Variants in ARHGEF3 observed in about 807,000 individuals in gnomAD.
ARHGEF3 encodes 59.8 kDA protein.
Under a neutral mutation model 63.2 loss-of-function variants are expected in ARHGEF3, and 28 were observed. The observed-to-expected ratio is 0.44, with a 90% CI of 0.33 to 0.61. The LOEUF is 0.61. Ranked by LOEUF, ARHGEF3 falls within the 20% of genes least tolerant of loss-of-function variation. ARHGEF3 has a pLI of 0.03. For synonymous variants in ARHGEF3, 266 were observed against 254.2 expected, an observed-to-expected ratio of 1.05 and a Z score of -0.44; for missense variants, 533 against 659.3, an observed-to-expected ratio of 0.81 and a Z score of 2.10.
intron 6 of ARHGEF3, among the ~76,000 whole-genome samples, chr3:56,749,343 T>C (rs2034589156): frequency 6.6e-6 from 1 of 152,224 alleles, no homozygotes; most frequent in Admixed American, 6.5e-5. Flanking sequence ...CAAATGTTTA[T>C]TTCAGCAAAA....
intron 1 of ARHGEF3, chr3:56,775,662 G>T: frequency 5.1e-6 from 5 of 985,756 alleles, no homozygotes; most frequent in Non-Finnish European, 6.0e-6. Flanking sequence ...TTCTGCTTCA[G>T]GTGACAATGC....
intron 1 of ARHGEF3, among the ~76,000 whole-genome samples, chr3:56,789,556 A>G (rs2036981484): frequency 6.6e-6 from 1 of 152,180 alleles, no homozygotes; most frequent in South Asian, 2.1e-4. Context: ...CCAAATTTCA[A>G]GTTTAGTTTG....
intron 2 of ARHGEF3, among the ~76,000 whole-genome samples, chr3:56,762,855 T>C (rs1433459326): frequency 6.6e-6 from 1 of 152,134 alleles, no homozygotes; most frequent in African/African-American, 2.4e-5. Flanking sequence ...ACCAACAGCA[T>C]CCTGGAGGAG....
intron 4 of ARHGEF3, among the ~76,000 whole-genome samples, chr3:56,809,765 C>T (rs1373581706): frequency 6.6e-6 from 1 of 150,942 alleles, no homozygotes; most frequent in African/African-American, 2.4e-5. Context: ...CAGAGTCTCA[C>T]TTTGTCACCC....
At chr3:56,859,387 C>T (rs1192790660) in intron 4 of ARHGEF3, among the ~76,000 whole-genome samples, 1 of 152,142 alleles carries the variant, frequency 6.6e-6, no homozygotes, top group East Asian at 1.9e-4. Flanking sequence ...GATCCGCCTA[C>T]CTCGGCCTCC....
intron 2 of ARHGEF3, among the ~76,000 whole-genome samples, chr3:56,759,831 C>G (rs1287298964): frequency 6.6e-6 from 1 of 152,220 alleles, no homozygotes; most frequent in Non-Finnish European, 1.5e-5. Flanking sequence ...CAGGCATGAG[C>G]CACTGTGCCC....
intron 7 of ARHGEF3, among the ~76,000 whole-genome samples, chr3:56,742,598 T>C (rs536855563): frequency 7.8e-4 from 119 of 152,236 alleles, no homozygotes; most frequent in African/African-American, 2.7e-3. Flanking sequence ...ACATTCATAA[T>C]GCACCCAAGA....
intron 3 of ARHGEF3, among the ~76,000 whole-genome samples, chr3:56,912,701 C>T (rs1184180074): frequency 6.6e-6 from 1 of 152,192 alleles, no homozygotes; most frequent in Non-Finnish European, 1.5e-5. Context: ...TATTAACTAT[C>T]ACTGACATGT....
intron 1 of ARHGEF3, among the ~76,000 whole-genome samples, chr3:56,774,816 T>C (rs369775355): frequency 1.8e-4 from 28 of 152,126 alleles, no homozygotes; most frequent in African/African-American, 5.5e-4. Context: ...TGCTTGAACC[T>C]GGGAGGTGGA....
At chr3:56,996,890 A>ATTATTAT (rs1553801009) in intron 2 of ARHGEF3, among the ~76,000 whole-genome samples, 7 of 136,502 alleles carry the variant, frequency 5.1e-5, no homozygotes, top group South Asian at 2.3e-4. Context: ...TATTATTATT[A>ATTATTAT]TTTTTTTTTT....
intron 3 of ARHGEF3, among the ~76,000 whole-genome samples, chr3:56,887,414 G>A (rs1432762359): frequency 6.6e-6 from 1 of 152,196 alleles, no homozygotes; most frequent in East Asian, 1.9e-4. Flanking sequence ...AGGAGGCTGA[G>A]ACTCTGGGAT....
chr3:56,752,986 G>A (rs756147849), intron 4 of ARHGEF3, among the ~76,000 whole-genome samples: 5 of 152,192 alleles, frequency 3.3e-5, no homozygotes, highest in Middle Eastern at 3.2e-3. Flanking sequence ...CCACTGGAAC[G>A]AAAATGTTTT....
chr3:56,738,162 G>T (rs796355882), intron 7 of ARHGEF3, among the ~76,000 whole-genome samples: 19 of 152,300 alleles, frequency 1.2e-4, no homozygotes, highest in African/African-American at 4.6e-4. Context: ...TACTGCCTCA[G>T]CCTCCTGAGT....
intron 4 of ARHGEF3, among the ~76,000 whole-genome samples, chr3:56,838,465 T>C (rs2039195651): frequency 6.6e-6 from 1 of 152,146 alleles, no homozygotes; most frequent in African/African-American, 2.4e-5. Flanking sequence ...AATAAGATAA[T>C]AAAAAGGCTT....
chr3:57,042,671 TATATATATATATATATA>T (rs1293465979), intron 1 of ARHGEF3, among the ~76,000 whole-genome samples: 300 of 22,632 alleles, frequency 0.013, 19 homozygotes, highest in African/African-American at 0.036. Flanking sequence ...TATATATATA[TATATATATATATATATA>T]TATATATATA....
chr3:57,038,850 C>T (rs548498985), intron 1 of ARHGEF3, among the ~76,000 whole-genome samples: 1 of 152,186 alleles, frequency 6.6e-6, no homozygotes, highest in Non-Finnish European at 1.5e-5. Context: ...TCTGCCAGGG[C>T]CCTGCAGAAA....
intron 3 of ARHGEF3, among the ~76,000 whole-genome samples, chr3:56,927,278 C>A (rs1379034036): frequency 6.6e-6 from 1 of 152,274 alleles, no homozygotes; most frequent in Admixed American, 6.5e-5. Flanking sequence ...GTAACAATTG[C>A]AGTTTCCTAG....
At chr3:56,936,798 C>A (rs1030272802) in intron 3 of ARHGEF3, among the ~76,000 whole-genome samples, 4 of 152,212 alleles carry the variant, frequency 2.6e-5, no homozygotes, top group African/African-American at 9.6e-5. Flanking sequence ...CAGCTCACTG[C>A]AGCCTCCAAC....
At chr3:56,980,027 G>A (rs1701265432) in intron 2 of ARHGEF3, among the ~76,000 whole-genome samples, 1 of 152,078 alleles carries the variant, frequency 6.6e-6, no homozygotes, top group Non-Finnish European at 1.5e-5. Context: ...CTAACTCTTT[G>A]TGCCTCAGAT....
Sources: allele counts gnomAD v4.1 joint callset (sites outside exome capture counted in the v4.1 genomes callset), GRCh38; gene constraint gnomAD v4.1.1; transcripts MANE v1.5; gene names NCBI Gene and HGNC (gene_info 2026-07-23, HGNC 2026-07-21).